Variants in DGKB observed in about 807,000 individuals in gnomAD.
DGKB encodes the protein diacylglycerol kinase beta, also known as 90 kDa diacylglycerol kinase.
A neutral mutation model predicts 114.3 loss-of-function variants in DGKB; 67 were observed. The observed-to-expected ratio is 0.59, with a 90% CI of 0.48 to 0.72. The LOEUF is 0.72. Ranked by LOEUF, DGKB falls within the 30% of genes least tolerant of loss-of-function variation. DGKB has a pLI of 0.00. For synonymous variants in DGKB, 398 were observed against 323.1 expected (o/e 1.23, Z -2.49); for missense variants, 907 against 975.2 (o/e 0.93, Z 0.93).
At chr7:14,393,366 A>G (rs1278669229) in intron 21 of DGKB, among the ~76,000 whole-genome samples, 1 of 152,116 alleles carries the variant, frequency 6.6e-6, no homozygotes, top group African/African-American at 2.4e-5. Flanking sequence ...ACCACTATTA[A>G]GCAAAATGTT....
At position 14,533,450 on chromosome 7, in the gene DGKB, A is replaced by G. The variant is rs1175363380; in HGVS notation, c.1770+40762T>C. Among the ~76,000 whole-genome samples, 3 of 151,856 alleles carry G rather than the reference A, an allele frequency of 2.0e-5. No homozygotes were observed. In the East Asian group the frequency reaches 5.8e-4, roughly 29 times the overall value. ...TATGCATTATATAAGTTTCAAAATG[A>G]GAAGAGATAAGAAAAGGGAAGAAAA... is the stretch of plus-strand genomic sequence containing the variant. On this transcript the variant is annotated intron_variant, in intron 20 of 25. Transcript: ENST00000402815.
At chr7:14,418,146 T>C (rs1047333527) in intron 21 of DGKB, among the ~76,000 whole-genome samples, 1 of 145,772 alleles carries the variant, frequency 6.9e-6, no homozygotes, top group Admixed American at 7.0e-5. Context: ...ATTTTATATA[T>C]AAATTTATAT....
intron 21 of DGKB, among the ~76,000 whole-genome samples, chr7:14,400,009 A>T (rs1467862552): frequency 6.6e-6 from 1 of 151,950 alleles, no homozygotes; most frequent in East Asian, 1.9e-4. Flanking sequence ...TTTTAAAAGA[A>T]GTTCTAAAGT....
chr7:14,575,430 T>G (rs187896749), intron 19 of DGKB, among the ~76,000 whole-genome samples: 3 of 152,256 alleles, frequency 2.0e-5, no homozygotes, highest in Admixed American at 2.0e-4. Context: ...AATATTCAAT[T>G]TATTTGTAGG....
intron 5 of DGKB, among the ~76,000 whole-genome samples, chr7:14,734,298 G>A (rs10085625): frequency 0.021 from 3,235 of 151,746 alleles, 87 homozygotes; most frequent in African/African-American, 0.073. Flanking sequence ...CTCAGCCTCC[G>A]AAAGTGCTGG....
At chr7:14,550,725 A>C (rs944173822) in intron 20 of DGKB, among the ~76,000 whole-genome samples, 5 of 152,214 alleles carry the variant, frequency 3.3e-5, no homozygotes, top group Non-Finnish European at 7.4e-5. Flanking sequence ...AATAACAATG[A>C]TTGTCATGAA....
At chr7:14,322,389 GT>G (rs1807986972) in intron 23 of DGKB, among the ~76,000 whole-genome samples, 1 of 152,158 alleles carries the variant, frequency 6.6e-6, no homozygotes, top group South Asian at 2.1e-4. Flanking sequence ...TGAGTAGTGG[GT>G]GTAGGAGTCT....
At chr7:14,656,789 T>C (rs1402857129) in intron 13 of DGKB, among the ~76,000 whole-genome samples, 4 of 147,426 alleles carry the variant, frequency 2.7e-5, no homozygotes, top group South Asian at 2.2e-4. Flanking sequence ...ATATATATGG[T>C]ATATATATAC....
intron 21 of DGKB, among the ~76,000 whole-genome samples, chr7:14,361,100 T>C (rs76939349): frequency 0.013 from 2,005 of 152,192 alleles, 47 homozygotes; most frequent in African/African-American, 0.046. Context: ...ATAAAACTTG[T>C]TTCTATTCTC....
At chr7:14,430,003 C>T (rs62443274) in intron 21 of DGKB, among the ~76,000 whole-genome samples, 1 of 152,126 alleles carries the variant, frequency 6.6e-6, no homozygotes, top group Non-Finnish European at 1.5e-5. Context: ...ATTGGTGTGG[C>T]TTCACTTGGG....
chr7:14,485,732 GAAA>G (rs59229743), intron 20 of DGKB, among the ~76,000 whole-genome samples: 77,035 of 149,066 alleles, frequency 0.52, 20,118 homozygotes, highest in East Asian at 0.86. Context: ...TAAAAATACA[GAAA>G]AAAAAAAATA....
rs575619474 is a variant in DGKB at position 14,639,258 on chromosome 7, T to C, written c.1135-8990A>G. ...ACATATTAAAGAATGAAAGGAAGAC[T>C]AGGGATTTAGTAATATTGACAAAGT... is the stretch of plus-strand genomic sequence containing the variant. On this transcript the variant is annotated intron_variant, in intron 13 of 25. Coordinates refer to ENST00000402815, the MANE Select transcript of DGKB (RefSeq NM_001350709.2). Among the ~76,000 whole-genome samples the C allele has an allele frequency of 1.5e-4, 23 of 152,100 alleles. No homozygotes were observed. In the East Asian group the frequency reaches 4.5e-3, roughly 29 times the overall value.
intron 21 of DGKB, among the ~76,000 whole-genome samples, chr7:14,403,596 C>T (rs1823474133): frequency 6.6e-6 from 1 of 151,946 alleles, no homozygotes; most frequent in South Asian, 2.1e-4. Context: ...TTCGCATCAA[C>T]TCCAATGCAA....
intron 1 of DGKB, among the ~76,000 whole-genome samples, chr7:14,910,125 T>C (rs1783907572): frequency 2.6e-5 from 4 of 151,538 alleles, no homozygotes. Context: ...ATGTAGTCCC[T>C]AGCTACTTGG....
chr7:14,682,924 C>A (rs936030952), intron 10 of DGKB, 83 bp from the exon 11 acceptor site: 26 of 930,590 alleles, frequency 2.8e-5, no homozygotes, highest in Non-Finnish European at 4.3e-5. Flanking sequence ...ATTAACAGAA[C>A]CTCATTTCAT....
intron 1 of DGKB, among the ~76,000 whole-genome samples, chr7:14,966,901 A>C (rs914290313): frequency 3.9e-4 from 60 of 152,204 alleles, no homozygotes; most frequent in African/African-American, 1.4e-3. Flanking sequence ...AAAATAAAAT[A>C]ATGCAAGATG....
chr7:14,567,627 G>A lies in DGKB; in HGVS notation c.1770+6585C>T, dbSNP rs187650858. Among the ~76,000 whole-genome samples the A allele has an allele frequency of 4.7e-3, 608 of 129,974 alleles. 3 individuals are homozygous for A. The highest frequency in any genetic ancestry group is 0.028 in the Middle Eastern group (6 of 218). The allele number at this position is 129,974 out of a possible 152,430, so 85.3% of individuals were successfully genotyped here. On this transcript the variant is annotated intron_variant, in intron 20 of 25. Coordinates refer to ENST00000402815, the MANE Select transcript of DGKB (RefSeq NM_001350709.2). ...TATATATATATATCTTTTTTATTGA[G>A]ATGGAGTCTCACTCCGTTGTGCAGG...
upstream of DGKB, among the ~76,000 whole-genome samples, chr7:14,907,756 G>A (rs1255278652): frequency 2.6e-5 from 4 of 152,176 alleles, no homozygotes; most frequent in Non-Finnish European, 4.4e-5. Flanking sequence ...TGACCTAGTA[G>A]GCAATTTTAA....
chr7:14,303,886 T>C (rs116673591), intron 23 of DGKB, among the ~76,000 whole-genome samples: 1,835 of 152,194 alleles, frequency 0.012, 38 homozygotes, highest in African/African-American at 0.042. Context: ...TACCCAAGGA[T>C]TGAAAAGTCT....
Sources: gnomAD v4.1 joint callset for allele counts (sites outside exome capture counted in the v4.1 genomes callset) on GRCh38, gnomAD v4.1.1 for gene constraint, MANE v1.5 for transcripts, NCBI Gene and HGNC (gene_info 2026-07-23, HGNC 2026-07-21) for gene names.